MAVS: variants seen among roughly 807,000 people sequenced by gnomAD.
MAVS encodes the protein mitochondrial antiviral-signaling protein.
MAVS carries 20 observed loss-of-function variants against 30.2 expected under a neutral mutation model. The observed-to-expected ratio is 0.66, with a 90% CI of 0.47 to 0.96. The LOEUF is 0.96. Ranked by LOEUF, MAVS falls within the 40% of genes least tolerant of loss-of-function variation. MAVS has a pLI of 0.00. For missense variants in MAVS, 624 were observed against 701.1 expected (o/e 0.89, Z 1.24); for synonymous variants, 278 against 293.9 (o/e 0.95, Z 0.55).
intron 2 of MAVS, 128 bp from the exon 3 acceptor site, chr20:3,857,507 C>A: frequency 9.1e-7 from 1 of 1,093,154 alleles, no homozygotes; most frequent in Non-Finnish European, 1.3e-6. Context: ...GGCTCCGATC[C>A]AGTTTCACGT....
chr20:3,857,941 C>G, intron 3 of MAVS, 132 bp downstream of exon 3: 1 of 1,053,790 alleles, frequency 9.5e-7, no homozygotes, highest in Non-Finnish European at 1.4e-6. Context: ...ATGAATAAAC[C>G]TGGGTGTAGA....
intron 1 of MAVS, among the ~76,000 whole-genome samples, chr20:3,853,201 TG>T (rs772941195): frequency 1.4e-5 from 2 of 138,266 alleles, no homozygotes; most frequent in Non-Finnish European, 1.6e-5. Flanking sequence ...AAATTAAAGA[TG>T]GCGGCCGGGC....
chr20:3,850,467 G>C (rs1011679735), intron 1 of MAVS, among the ~76,000 whole-genome samples: 2 of 150,484 alleles, frequency 1.3e-5, no homozygotes, highest in Non-Finnish European at 3.0e-5. Flanking sequence ...GCTCATGCCT[G>C]TAATCCCAGC....
At chr20:3,858,571 A>G (rs1332108331) in intron 3 of MAVS, among the ~76,000 whole-genome samples, 1 of 150,540 alleles carries the variant, frequency 6.6e-6, no homozygotes. Context: ...AGGCCGAGGC[A>G]GGAGAATCAC....
At position 3,874,715 on chromosome 20, in the gene MAVS, G is replaced by C. The variant is rs1254998235; in HGVS notation, c.*8568G>C. The C allele has an allele frequency of 1.3e-5, 2 of 153,676 alleles. No homozygotes were observed. The highest frequency in any genetic ancestry group is 3.8e-4 in the East Asian group (2 of 5,218). 9.5% of individuals were successfully genotyped at this position (153,676 alleles called of 1,614,324 possible). ...CTGTTCTGGGTCCGATTGCTGCTGA[G>C]GCTGTGGTTTGGCTTCCTTGGCTTC... On this transcript the variant is annotated 3_prime_UTR_variant, in exon 7 of 7. Transcript: ENST00000428216.
intron 1 of MAVS, among the ~76,000 whole-genome samples, chr20:3,852,010 C>CTTTTTTT (rs1568531967): frequency 0.083 from 3,213 of 38,690 alleles, 257 homozygotes; most frequent in African/African-American, 0.44. Context: ...TTTTTTTTCC[C>CTTTTTTT]CCGAGACGGA....
intron 1 of MAVS, among the ~76,000 whole-genome samples, chr20:3,850,274 CAAAAAA>C (rs71195864): frequency 1.6e-4 from 7 of 44,458 alleles, no homozygotes; most frequent in South Asian, 1.1e-3. Flanking sequence ...GAGACTGTCT[CAAAAAA>C]AAAAAAAAAA....
At position 3,864,383 on chromosome 20, in the gene MAVS, C is replaced by T. The variant is rs375428276; in HGVS notation, c.753C>T (p.Gly251=). The change falls in exon 6 of 7, where the codon GGC becomes GGT. Residue 251 remains glycine, a synonymous_variant. Coordinates refer to ENST00000428216, the MANE Select transcript of MAVS (RefSeq NM_020746.5). Reference sequence around the variant, plus strand: ...CCACAGGGTCAGTTGTATCTACTGGCACCTCCTTCTCCTCCTCATCCCCTG... The same window carrying T: ...CCACAGGGTCAGTTGTATCTACTGGTACCTCCTTCTCCTCCTCATCCCCTG... ...PGPTGSVVST[G]TSFSSSSPGL... 7.4e-6 allele frequency: 12 copies of T among 1,614,044 alleles called. No homozygotes were observed. Among genetic ancestry groups the T allele is most frequent in the African/African-American group, 2.7e-5 (2 of 74,908 alleles).
chr20:3,866,358 G>A lies in MAVS; in HGVS notation c.*211G>A, dbSNP rs1184137461. 4.7e-5 allele frequency: 27 copies of A among 576,168 alleles called. No individual in the cohort carries two copies. Among genetic ancestry groups the A allele is most frequent in the East Asian group, 4.3e-4 (15 of 34,622 alleles). 35.7% of individuals were successfully genotyped at this position (576,168 alleles called of 1,614,324 possible). Reference sequence around the variant, plus strand: ...CCCACGGTGCCTTGTGTGGGTCCCCGTCCTTGGCTTTCTGGGTCCTGGGCT... The same window carrying A: ...CCCACGGTGCCTTGTGTGGGTCCCCATCCTTGGCTTTCTGGGTCCTGGGCT... On this transcript the variant is annotated 3_prime_UTR_variant, in exon 7 of 7. Transcript: ENST00000428216.
rs2089889465 is a variant in MAVS, at chr20:3,864,408, G to A, written c.778G>A (p.Gly260Ser). Residue 260 changes from glycine to serine, a missense_variant, in exon 6 of 7, where the codon GGC becomes AGC. Transcript: ENST00000428216. ...TGTSFSSSSP[G>S]LASAGAAEGK... ...CACCTCCTTCTCCTCCTCATCCCCT[G>A]GCTTGGCCTCTGCAGGGGCTGCAGA... The A allele has an allele frequency of 7.4e-6, 12 of 1,613,910 alleles. No individual in the cohort carries two copies. Among genetic ancestry groups the A allele is most frequent in the Non-Finnish European group, 9.3e-6 (11 of 1,180,024 alleles).
chr20:3,855,644 G>A (rs1412646875), intron 2 of MAVS, among the ~76,000 whole-genome samples: 2 of 152,164 alleles, frequency 1.3e-5, no homozygotes, highest in Non-Finnish European at 2.9e-5. Flanking sequence ...CCCCATTGTT[G>A]TCTCCGCTGT....
In MAVS at chr20:3,867,296, G is replaced by T. The variant is rs2089916729; in HGVS notation, c.*1149G>T. The T allele has an allele frequency of 2.3e-5, 8 of 341,374 alleles. No individual in the cohort carries two copies. Among genetic ancestry groups the T allele is most frequent in the Middle Eastern group, 1.1e-3 (1 of 930 alleles). 21.1% of individuals were successfully genotyped at this position (341,374 alleles called of 1,614,324 possible). ...TAAGTATATATATATATTTCCCAGT[G>T]TTGTGAAGATTAAAGGAGTTTATCG... On this transcript the variant is annotated 3_prime_UTR_variant, in exon 7 of 7. Coordinates refer to ENST00000428216, the MANE Select transcript of MAVS (RefSeq NM_020746.5).
At chr20:3,851,503 CAAAAAA>C (rs57620434) in intron 1 of MAVS, among the ~76,000 whole-genome samples, 4 of 95,662 alleles carry the variant, frequency 4.2e-5, no homozygotes, top group African/African-American at 8.4e-5. Context: ...GACTCTGTCT[CAAAAAA>C]AAAAAAAAAA....
In MAVS at chr20:3,865,989, C is replaced by T; in HGVS notation, c.1465C>T (p.Pro489Ser). ...GGGCAACCCTGGGCCACCTGCGGACCCGGATGGCGGCCCCAGGCCACAAGC... is the reference window on the plus strand; with the variant it reads ...GGGCAACCCTGGGCCACCTGCGGACTCGGATGGCGGCCCCAGGCCACAAGC... ...LEGNPGPPADPDGGPRPQADR... is the reference protein window; with the variant it reads ...LEGNPGPPADSDGGPRPQADR... The change falls in exon 7 of 7, where the codon CCG becomes TCG. Residue 489 changes from proline to serine, a missense_variant. By Grantham distance (74) the Pro-to-Ser change is moderately conservative. Coordinates refer to ENST00000428216, the MANE Select transcript of MAVS (RefSeq NM_020746.5). This position sits in a 1 kb window ranked among gnomAD's most constrained non-coding sequence, Gnocchi z 4.7. The T allele has an allele frequency of 6.2e-7, 1 of 1,613,114 alleles. No homozygotes were observed. The highest frequency in any genetic ancestry group is 8.5e-7 in the Non-Finnish European group (1 of 1,180,010).
intron 1 of MAVS, among the ~76,000 whole-genome samples, chr20:3,847,405 T>A (rs1419345279): frequency 6.6e-6 from 1 of 152,120 alleles, no homozygotes; most frequent in Non-Finnish European, 1.5e-5. Flanking sequence ...GTGAGGCCTG[T>A]CCCTTTGGGA....
chr20:3,850,060 C>T (rs567914505), intron 1 of MAVS, among the ~76,000 whole-genome samples: 35 of 151,150 alleles, frequency 2.3e-4, no homozygotes, highest in African/African-American at 7.5e-4. Flanking sequence ...GGGCAGATCA[C>T]GAGGTCAGGA....
chr20:3,861,051 G>C (rs1429390306), intron 3 of MAVS, among the ~76,000 whole-genome samples: 4 of 149,362 alleles, frequency 2.7e-5, no homozygotes, highest in Non-Finnish European at 5.9e-5. Context: ...GGAGTGCAGT[G>C]GCGCGATCTT....
In MAVS at chr20:3,861,495, C is replaced by T; in HGVS notation, c.456C>T (p.Ser152=). The part of the protein sequence containing the change: ...MPVQETQAPE[S]PGENSEQALQ... Reference sequence around the variant, plus strand: ...TCCAGGAGACCCAGGCGCCAGAGTCCCCAGGAGAGGTCTGTCCTCATAGTC... The same window carrying T: ...TCCAGGAGACCCAGGCGCCAGAGTCTCCAGGAGAGGTCTGTCCTCATAGTC... The change falls in exon 4 of 7, where the codon TCC becomes TCT. Residue 152 remains serine, a synonymous_variant. Coordinates refer to ENST00000428216, the MANE Select transcript of MAVS (RefSeq NM_020746.5). The T allele has an allele frequency of 6.2e-7, 1 of 1,613,780 alleles. No individual in the cohort carries two copies. The highest frequency in any genetic ancestry group is 1.7e-4 in the Middle Eastern group (1 of 6,048).
chr20:3,857,716 G>T lies in MAVS; in HGVS notation c.199G>T (p.Gly67Cys). 3.7e-6 allele frequency: 6 copies of T among 1,614,244 alleles called. No individual in the cohort carries two copies. Among genetic ancestry groups the T allele is most frequent in the Middle Eastern group, 1.6e-4 (1 of 6,062 alleles). The change falls in exon 3 of 7, where the codon GGC becomes TGC. Residue 67 changes from glycine (G) to cysteine (C), a missense_variant. Gly to Cys is a radical substitution (Grantham distance 159, BLOSUM62 -3). Transcript: ENST00000428216. ...HLFNTLQRRP[G>C]WVEYFIAALR... is the part of the protein sequence containing the mutation. ...CTTCAATACCCTTCAGCGGCGGCCC[G>T]GCTGGGTGGAGTACTTCATTGCGGC...
Sources: allele counts gnomAD v4.1 joint callset (sites outside exome capture counted in the v4.1 genomes callset), GRCh38; gene constraint gnomAD v4.1.1; non-coding constraint Gnocchi (gnomAD v3.1); transcripts MANE v1.5; gene names NCBI Gene and HGNC (gene_info 2026-07-23, HGNC 2026-07-21).